CD99: variants seen among roughly 807,000 people sequenced by gnomAD.
CD99 encodes the protein CD99 antigen.
A neutral mutation model predicts 28.4 loss-of-function variants in CD99; 19 were observed. The observed-to-expected ratio is 0.67, with a 90% CI of 0.47 to 0.98. The LOEUF (loss-of-function observed/expected upper bound fraction) is 0.98, where lower values mean the gene tolerates loss of function less well. Among genes scored for constraint, CD99 ranks in the 50% least tolerant of loss-of-function variants. The pLI, the probability that CD99 is intolerant of heterozygous loss-of-function variation, is 0.00. For missense variants in CD99, 283 were observed against 248.8 expected (o/e 1.14, Z -0.92); for synonymous variants, 103 against 92.1 (o/e 1.12, Z -0.67).
chrX:2,733,279 G>T (rs1490938090), intron 8 of CD99: 1 of 1,455,396 alleles, frequency 6.9e-7, no homozygotes, highest in African/African-American at 1.4e-5. Flanking sequence ...GGGAGCCCCA[G>T]CGCACAGCAA....
At chrX:2,694,514 G>C (rs928757469) in intron 1 of CD99, among the ~76,000 whole-genome samples, 1 of 71,878 alleles carries the variant, frequency 1.4e-5, no homozygotes, top group African/African-American at 5.6e-5. Context: ...CACTTTGAGA[G>C]GCCGAGGGCC....
intron 8 of CD99, among the ~76,000 whole-genome samples, chrX:2,734,893 C>T (rs1400697894): frequency 3.3e-5 from 5 of 151,708 alleles, no homozygotes; most frequent in East Asian, 1.9e-4. Flanking sequence ...ATGGTTGAGC[C>T]GTAGTTCTAG....
intron 8 of CD99, among the ~76,000 whole-genome samples, chrX:2,732,246 G>A (rs2049654955): frequency 6.6e-6 from 1 of 152,120 alleles, no homozygotes; most frequent in Non-Finnish European, 1.5e-5. Context: ...GCTTCGCGGG[G>A]GACCTGGCTC....
intron 5 of CD99, among the ~76,000 whole-genome samples, chrX:2,721,070 C>T (rs1603282119): frequency 6.6e-6 from 1 of 151,792 alleles, no homozygotes; most frequent in Non-Finnish European, 1.5e-5. Flanking sequence ...AATCTTTCTG[C>T]CCTTAAATAT....
At chrX:2,704,058 C>G (rs186732783) in intron 1 of CD99, among the ~76,000 whole-genome samples, 1 of 152,228 alleles carries the variant, frequency 6.6e-6, no homozygotes, top group African/African-American at 2.4e-5. Context: ...CACCCCAGAC[C>G]ACAGAACGAA....
intron 8 of CD99, among the ~76,000 whole-genome samples, chrX:2,735,768 C>T (rs1421247761): frequency 1.3e-5 from 2 of 152,186 alleles, no homozygotes; most frequent in Admixed American, 6.5e-5. Flanking sequence ...TTCTTCTCTT[C>T]AGGGGGTTTT....
chrX:2,715,855 C>G (rs2124557735), intron 2 of CD99, among the ~76,000 whole-genome samples: 1 of 152,196 alleles, frequency 6.6e-6, no homozygotes, highest in East Asian at 1.9e-4. Flanking sequence ...AATTTCCTTC[C>G]TATAAGGGCA....
intron 2 of CD99, among the ~76,000 whole-genome samples, chrX:2,717,087 C>T (rs28502077): frequency 0.022 from 3,355 of 152,228 alleles, 128 homozygotes; most frequent in African/African-American, 0.076. Context: ...TGGCTCAAGC[C>T]TGTCATCCCA....
chrX:2,711,321 A>G (rs1194010221), intron 1 of CD99, among the ~76,000 whole-genome samples: 1 of 148,626 alleles, frequency 6.7e-6, no homozygotes, highest in Non-Finnish European at 1.5e-5. Flanking sequence ...ATGTATGTAT[A>G]TGGTGTGTAT....
chrX:2,739,170 GCTAT>G (rs1266627145), intron 9 of CD99, among the ~76,000 whole-genome samples: 1 of 152,092 alleles, frequency 6.6e-6, no homozygotes, highest in Non-Finnish European at 1.5e-5. Context: ...CACCCAGCCT[GCTAT>G]CACCTTCTAA....
At chrX:2,726,542 A>G (rs1278625360) in intron 8 of CD99, 169 bp downstream of exon 8, 9 of 695,104 alleles carry the variant, frequency 1.3e-5, no homozygotes, top group Non-Finnish European at 2.4e-5. Context: ...CTTTGATTTC[A>G]GGGCTGTTCT....
At chrX:2,726,664 T>C (rs1451254820) in intron 8 of CD99, among the ~76,000 whole-genome samples, 1 of 151,148 alleles carries the variant, frequency 6.6e-6, no homozygotes, top group Admixed American at 6.6e-5. Flanking sequence ...GAATTGTTGC[T>C]GGGGTTAGAG....
chrX:2,723,203 T>C (rs2049089075), intron 6 of CD99, 111 bp from the exon 7 acceptor site: 4 of 1,068,136 alleles, frequency 3.7e-6, no homozygotes, highest in African/African-American at 1.6e-5. Flanking sequence ...CTGGGTAACA[T>C]GTACCCCCGT....
chrX:2,729,810 A>G (rs2049497183), intron 8 of CD99, among the ~76,000 whole-genome samples: 1 of 152,122 alleles, frequency 6.6e-6, no homozygotes, highest in African/African-American at 2.4e-5. Context: ...GGCATGAACA[A>G]TGAAAGCTCT....
chrX:2,738,570 A>G (rs2050059237), intron 9 of CD99, among the ~76,000 whole-genome samples: 1 of 152,022 alleles, frequency 6.6e-6, no homozygotes, highest in Admixed American at 6.5e-5. Flanking sequence ...TACTAAAAAT[A>G]CAAAATTAGC....
intron 1 of CD99, among the ~76,000 whole-genome samples, chrX:2,709,916 C>A (rs2048322594): frequency 6.6e-6 from 1 of 152,094 alleles, no homozygotes; most frequent in Non-Finnish European, 1.5e-5. Flanking sequence ...GCAAATGGCC[C>A]CCCTGAGGCC....
At chrX:2,702,792 A>AT (rs1198218469) in intron 1 of CD99, among the ~76,000 whole-genome samples, 1 of 147,350 alleles carries the variant, frequency 6.8e-6, no homozygotes, top group African/African-American at 2.5e-5. Flanking sequence ...TTTTTTTTTT[A>AT]TTTTTTTTGG....
chrX:2,733,312 C>G, intron 8 of CD99: 1 of 1,552,708 alleles, frequency 6.4e-7, no homozygotes, highest in South Asian at 1.2e-5. Flanking sequence ...CACCAGTTTA[C>G]TTTTTGTATT....
intron 8 of CD99, among the ~76,000 whole-genome samples, chrX:2,737,032 G>A (rs2049979843): frequency 6.6e-6 from 1 of 151,928 alleles, no homozygotes; most frequent in Admixed American, 6.6e-5. Context: ...TCACCTCTCT[G>A]CATTCTGAGG....
Sources: allele counts gnomAD v4.1 joint callset (sites outside exome capture counted in the v4.1 genomes callset), GRCh38; gene constraint gnomAD v4.1.1; transcripts MANE v1.5; gene names NCBI Gene and HGNC (gene_info 2026-07-23, HGNC 2026-07-21).